IL1RL1: variants seen among roughly 807,000 people sequenced by gnomAD.
IL1RL1 encodes the protein interleukin 1 receptor like 1.
Under a neutral mutation model 50.9 loss-of-function variants are expected in IL1RL1, and 32 were observed. The observed-to-expected ratio is 0.63, with a 90% CI of 0.47 to 0.84. IL1RL1 has a LOEUF of 0.84. Among genes scored for constraint, IL1RL1 ranks in the 40% least tolerant of loss-of-function variants. IL1RL1 has a pLI of 0.00. For missense variants in IL1RL1, 773 were observed against 662.9 expected (o/e 1.17, Z -1.82); for synonymous variants, 275 against 236.0 (o/e 1.17, Z -1.51).
intron 5 of IL1RL1, chr2:102,341,432 T>G (rs1254313237): frequency 1.3e-6 from 1 of 749,914 alleles, no homozygotes; most frequent in Non-Finnish European, 1.7e-6. Flanking sequence ...AGGGAAAGAT[T>G]TCACAATCAT....
intron 4 of IL1RL1, 28 bp downstream of exon 4, chr2:102,340,300 T>C (rs1280760047): frequency 1.3e-6 from 2 of 1,552,640 alleles, no homozygotes; most frequent in South Asian, 1.2e-5. Flanking sequence ...AGGAAATAGA[T>C]GAAAATTACA....
At chr2:102,313,718 C>G (rs925247893) in intron 1 of IL1RL1, among the ~76,000 whole-genome samples, 1 of 152,206 alleles carries the variant, frequency 6.6e-6, no homozygotes. Context: ...TTGAGCCAGG[C>G]TGACATCCAT....
In IL1RL1 at chr2:102,317,967, C is replaced by G. The variant is rs13397711; in HGVS notation, c.-150+6344C>G. Among the ~76,000 whole-genome samples the G allele has an allele frequency of 5.5e-3, 840 of 152,088 alleles. 19 individuals carry two copies. Among genetic ancestry groups the G allele is most frequent in the African/African-American group, 0.019 (806 of 41,470 alleles). On this transcript the variant is annotated intron_variant, in intron 1 of 10. Transcript: ENST00000233954. ...CTGAGGTGGGAGCAGGCTCGGGAGG[C>G]CAAGCAACAGGAAGGACAAAAGTGC...
At chr2:102,339,684 C>G (rs1392892821) in intron 3 of IL1RL1, among the ~76,000 whole-genome samples, 1 of 152,132 alleles carries the variant, frequency 6.6e-6, no homozygotes, top group Admixed American at 6.5e-5. Flanking sequence ...CAGTTTCCTT[C>G]TCTGTAAAAT....
At chr2:102,325,358 T>C (rs12998412) in intron 1 of IL1RL1, among the ~76,000 whole-genome samples, 72,668 of 151,790 alleles carry the variant, frequency 0.48, 17,672 homozygotes, top group Middle Eastern at 0.64. Context: ...CTGTATGTCA[T>C]CATCATCAAA....
At chr2:102,345,262 A>G in intron 8 of IL1RL1, 1 of 985,414 alleles carries the variant, frequency 1.0e-6, no homozygotes, top group African/African-American at 1.7e-5. Context: ...TCTGAATGCA[A>G]TGTTGTCTTG....
At chr2:102,324,860 G>C (rs1047300766) in intron 1 of IL1RL1, among the ~76,000 whole-genome samples, 1 of 152,180 alleles carries the variant, frequency 6.6e-6, no homozygotes, top group Middle Eastern at 3.2e-3. Flanking sequence ...CGGGAAGCTC[G>C]AACTGGGTAG....
chr2:102,336,310 G>A (rs969509456), intron 1 of IL1RL1, among the ~76,000 whole-genome samples: 1 of 152,162 alleles, frequency 6.6e-6, no homozygotes, highest in African/African-American at 2.4e-5. Flanking sequence ...TCTGTAAAAT[G>A]GGCATCATAA....
intron 3 of IL1RL1, 94 bp downstream of exon 3, chr2:102,339,141 G>A: frequency 2.5e-6 from 2 of 808,208 alleles, no homozygotes; most frequent in Non-Finnish European, 2.1e-6. Context: ...TCCTTCCCTA[G>A]TCCTTTCTGG....
intron 1 of IL1RL1, among the ~76,000 whole-genome samples, chr2:102,314,185 T>G (rs1433064413): frequency 6.6e-6 from 1 of 152,208 alleles, no homozygotes; most frequent in Non-Finnish European, 1.5e-5. Context: ...AAGACTGCTA[T>G]GTGCCAGACC....
At position 102,351,813 on chromosome 2, in the gene IL1RL1, G is replaced by T. The variant is rs757284128; in HGVS notation, c.1563G>T (p.Arg521Ser). 1.4e-5 allele frequency: 22 copies of T among 1,613,940 alleles called. No individual in the cohort carries two copies. Among genetic ancestry groups the T allele is most frequent in the African/African-American group, 2.7e-5 (2 of 74,888 alleles). ...GGGAGGACCACATTGCCAATAAAAGGTCCCTGAATTCTAAATTCTGGAAGC... is the reference window on the plus strand; with the variant it reads ...GGGAGGACCACATTGCCAATAAAAGTTCCCTGAATTCTAAATTCTGGAAGC... ...KWREDHIANK[R>S]SLNSKFWKHV... The change falls in exon 11 of 11, where the codon AGG becomes AGT. Residue 521 changes from arginine to serine, a missense_variant. Transcript: ENST00000233954.
chr2:102,329,518 A>C (rs1316922512), intron 1 of IL1RL1, among the ~76,000 whole-genome samples: 1 of 152,242 alleles, frequency 6.6e-6, no homozygotes, highest in African/African-American at 2.4e-5. Flanking sequence ...GAGCTTCTGC[A>C]CAGTGAAAGA....
chr2:102,343,805 A>G (rs1677679021), intron 8 of IL1RL1: 2 of 1,090,508 alleles, frequency 1.8e-6, no homozygotes, highest in Non-Finnish European at 2.2e-6. Flanking sequence ...TGTTGTAAGC[A>G]TGGTCCGTTC....
chr2:102,345,263 T>A (rs1466684342), intron 8 of IL1RL1: 6 of 985,338 alleles, frequency 6.1e-6, no homozygotes, highest in Non-Finnish European at 6.0e-6. Flanking sequence ...CTGAATGCAA[T>A]GTTGTCTTGG....
chr2:102,328,548 A>C (rs1225706833), intron 1 of IL1RL1, among the ~76,000 whole-genome samples: 1 of 152,222 alleles, frequency 6.6e-6, no homozygotes, highest in Non-Finnish European at 1.5e-5. Flanking sequence ...TTCAATTAGG[A>C]AAAGAGGAAG....
At chr2:102,316,164 C>T (rs1384213920) in intron 1 of IL1RL1, among the ~76,000 whole-genome samples, 3 of 152,114 alleles carry the variant, frequency 2.0e-5, no homozygotes, top group African/African-American at 7.2e-5. Context: ...TTGTCTTTGG[C>T]ATGTCTCTGC....
intron 1 of IL1RL1, among the ~76,000 whole-genome samples, chr2:102,316,360 C>T (rs1395154473): frequency 6.6e-6 from 1 of 152,176 alleles, no homozygotes; most frequent in Non-Finnish European, 1.5e-5. Context: ...TCCCGAACCT[C>T]ATCTCATACT....
At chr2:102,335,865 C>G (rs1387606232) in intron 1 of IL1RL1, among the ~76,000 whole-genome samples, 1 of 152,124 alleles carries the variant, frequency 6.6e-6, no homozygotes, top group Non-Finnish European at 1.5e-5. Context: ...TGGCTGTGAT[C>G]TCACACCCAA....
intron 5 of IL1RL1, chr2:102,341,319 CTT>C (rs1404175065): frequency 8.1e-7 from 1 of 1,240,514 alleles, no homozygotes; most frequent in African/African-American, 1.6e-5. Flanking sequence ...GGTTTTTAAT[CTT>C]TGTTTGCAAT....
Sources: gnomAD v4.1 joint callset for allele counts (sites outside exome capture counted in the v4.1 genomes callset) on GRCh38, gnomAD v4.1.1 for gene constraint, MANE v1.5 for transcripts, NCBI Gene and HGNC (gene_info 2026-07-23, HGNC 2026-07-21) for gene names.